Variants in MARK2 observed in about 807,000 individuals in gnomAD.
The protein encoded by MARK2 is microtubule affinity regulating kinase 2, also known as serine/threonine-protein kinase MARK2.
A neutral mutation model predicts 89.8 loss-of-function variants in MARK2; 16 were observed. The observed-to-expected ratio is 0.18, with a 90% CI of 0.12 to 0.27. The LOEUF (loss-of-function observed/expected upper bound fraction) is 0.27, where lower values mean the gene tolerates loss of function less well. Ranked by LOEUF, MARK2 falls within the 10% of genes least tolerant of loss-of-function variation. MARK2 has a pLI of 1.00. For synonymous variants in MARK2, 382 were observed against 399.5 expected (o/e 0.96, Z 0.52); for missense variants, 621 against 1,049.9 (o/e 0.59, Z 5.65).
intron 1 of MARK2, among the ~76,000 whole-genome samples, chr11:63,853,194 T>A (rs1156968218): frequency 6.6e-6 from 1 of 151,342 alleles, no homozygotes. Context: ...AGGTCAGGAG[T>A]TTGAGACCAG....
chr11:63,842,886 G>A (rs1325633678), intron 1 of MARK2, among the ~76,000 whole-genome samples: 8 of 151,948 alleles, frequency 5.3e-5, no homozygotes, highest in Non-Finnish European at 1.5e-5. Flanking sequence ...GTTTCCAGGA[G>A]CCCTTTAATC....
chr11:63,869,833 G>A (rs1265010154), intron 1 of MARK2, among the ~76,000 whole-genome samples: 5 of 152,194 alleles, frequency 3.3e-5, no homozygotes, highest in African/African-American at 7.2e-5. Context: ...ACATGCAGAC[G>A]ATGCCCACTT....
At chr11:63,886,097 C>A (rs1211204154) in intron 1 of MARK2, among the ~76,000 whole-genome samples, 1 of 151,672 alleles carries the variant, frequency 6.6e-6, no homozygotes, top group Non-Finnish European at 1.5e-5. Flanking sequence ...CCACTGCACT[C>A]CAACCTGGGC....
Position 63,909,467 on chromosome 11 carries a change from C to A in MARK2, c.*230C>A, listed in dbSNP as rs542210682. ...CCCAGAGATTCCCCCTTCTCCTCTC[C>A]CCTACTGGAGGCAAAGGAAGGGGAG... is the stretch of plus-strand genomic sequence containing the variant. On this transcript the variant is annotated 3_prime_UTR_variant, in exon 19 of 19. Coordinates refer to ENST00000402010, the MANE Select transcript of MARK2 (RefSeq NM_001039469.3). 2.3e-6 allele frequency: 1 copy of A among 433,394 alleles called. No individual in the cohort carries two copies. The highest frequency in any genetic ancestry group is 2.1e-5 in the African/African-American group (1 of 48,712). The allele number at this position is 433,394 out of a possible 1,614,324, so 26.8% of individuals were successfully genotyped here.
At chr11:63,846,846 C>T (rs548412169) in intron 1 of MARK2, among the ~76,000 whole-genome samples, 48 of 152,026 alleles carry the variant, frequency 3.2e-4, no homozygotes, top group African/African-American at 9.9e-4. Context: ...TCAGTAGAGA[C>T]GGGGTTTCAC....
chr11:63,908,081 C>T (rs897571981), intron 17 of MARK2, among the ~76,000 whole-genome samples, 179 bp from the exon 18 acceptor site: 7 of 152,214 alleles, frequency 4.6e-5, no homozygotes, highest in Admixed American at 2.6e-4. Flanking sequence ...ATGGTTGAGC[C>T]GCCAGTGTGA....
intron 1 of MARK2, among the ~76,000 whole-genome samples, chr11:63,843,387 TGA>T (rs1241047966): frequency 6.6e-6 from 1 of 152,024 alleles, no homozygotes; most frequent in Non-Finnish European, 1.5e-5. Flanking sequence ...TCAGAAACTA[TGA>T]GAGAGGGATT....
At chr11:63,905,344 G>GC (rs34826752) in intron 16 of MARK2, among the ~76,000 whole-genome samples, 3 of 152,168 alleles carry the variant, frequency 2.0e-5, no homozygotes, top group Middle Eastern at 3.4e-3. Context: ...TAAAATAAAA[G>GC]CCCCCCCTTC....
intron 1 of MARK2, among the ~76,000 whole-genome samples, chr11:63,856,825 T>C (rs1207573327): frequency 8.4e-6 from 1 of 119,084 alleles, no homozygotes; most frequent in Non-Finnish European, 1.6e-5. Flanking sequence ...TCTCTCTCGC[T>C]CTCTCGCTCT....
intron 1 of MARK2, among the ~76,000 whole-genome samples, chr11:63,875,405 C>G (rs1372990375): frequency 6.6e-6 from 1 of 152,072 alleles, no homozygotes; most frequent in African/African-American, 2.4e-5. Flanking sequence ...CAGGCGTGAG[C>G]CACCACGCCC....
chr11:63,878,595 T>C (rs1938915320), intron 1 of MARK2, among the ~76,000 whole-genome samples: 1 of 151,960 alleles, frequency 6.6e-6, no homozygotes, highest in African/African-American at 2.4e-5. Context: ...GGTCTCGATC[T>C]CCTGACCTCG....
At chr11:63,897,471 G>T (rs978956932) in intron 3 of MARK2, among the ~76,000 whole-genome samples, 26 of 152,162 alleles carry the variant, frequency 1.7e-4, no homozygotes, top group African/African-American at 6.0e-4. Context: ...TTGAATTAGG[G>T]CTTCCCCTAC....
chr11:63,876,302 C>T (rs1049990929), intron 1 of MARK2, among the ~76,000 whole-genome samples: 4 of 152,142 alleles, frequency 2.6e-5, no homozygotes, highest in Admixed American at 6.5e-5. Flanking sequence ...ACAGAGAATT[C>T]GTGATGAGCT....
chr11:63,899,184 T>C (rs568008201), intron 7 of MARK2, 76 bp downstream of exon 7: 6 of 876,664 alleles, frequency 6.8e-6, no homozygotes, highest in Non-Finnish European at 1.2e-5. Flanking sequence ...GATAAAACCA[T>C]CAATAACCAT....
In MARK2 at chr11:63,909,019, G is replaced by A; in HGVS notation, c.2149G>A (p.Val717Met). 1 of 1,595,800 alleles carries A rather than the reference G, an allele frequency of 6.3e-7. No individual in the cohort carries two copies. The highest frequency in any genetic ancestry group is 8.6e-7 in the Non-Finnish European group (1 of 1,164,948). Residue 717 changes from valine to methionine, a missense_variant, in exon 19 of 19, where the codon GTG (valine) becomes ATG (methionine). Val to Met is a conservative substitution (Grantham distance 21). This residue lies in a region of MARK2 where 49 missense variants were observed against 46.7 expected (regional missense o/e 1.05). Transcript: ENST00000402010. ...CGAGATGATGCGGGAGATCCGCAAG[G>A]TGCTGGACGCGAACAGCTGCCAGAG... ...PNEMMREIRKVLDANSCQSEL... is the reference protein window; with the variant it reads ...PNEMMREIRKMLDANSCQSEL...
Position 63,862,965 on chromosome 11 carries a change from G to A in MARK2, c.54+23405G>A, listed in dbSNP as rs1033055970. Among the ~76,000 whole-genome samples, 4 of 152,086 alleles carry A rather than the reference G, an allele frequency of 2.6e-5. 1 individual carries two copies. The highest frequency in any genetic ancestry group is 9.7e-5 in the African/African-American group (4 of 41,416). On this transcript the variant is annotated intron_variant, in intron 1 of 18. Coordinates refer to ENST00000402010, the MANE Select transcript of MARK2 (RefSeq NM_001039469.3). ...CAAACTCAGATTCTCTCTTACAACCGTCTGTGTGCCACTTGCACACACACA... is the reference window on the plus strand; with the variant it reads ...CAAACTCAGATTCTCTCTTACAACCATCTGTGTGCCACTTGCACACACACA...
intron 1 of MARK2, among the ~76,000 whole-genome samples, chr11:63,851,147 T>C (rs1475791038): frequency 6.6e-6 from 1 of 152,218 alleles, no homozygotes; most frequent in Non-Finnish European, 1.5e-5. Context: ...CTCCTGGGAA[T>C]TTGCGGACTT....
chr11:63,876,237 TTAGCCTTCAAC>T (rs1210910203), intron 1 of MARK2, among the ~76,000 whole-genome samples: 71 of 151,102 alleles, frequency 4.7e-4, no homozygotes, highest in Admixed American at 2.7e-3. Flanking sequence ...GCCTTCAAAC[TTAGCCTTCAAC>T]TTCAGGACTC....
chr11:63,887,721 G>C (rs1309317251), intron 1 of MARK2, among the ~76,000 whole-genome samples: 4 of 110,400 alleles, frequency 3.6e-5, no homozygotes, highest in Non-Finnish European at 6.4e-5. Context: ...AGGGGTCGTT[G>C]GTCTAGAAGG....
Sources: gnomAD v4.1 joint callset for allele counts (sites outside exome capture counted in the v4.1 genomes callset) on GRCh38, gnomAD v4.1.1 for gene constraint, gnomAD v4.1.1 regional missense constraint, MANE v1.5 for transcripts, NCBI Gene and HGNC (gene_info 2026-07-23, HGNC 2026-07-21) for gene names.